VDAC2: variants seen among roughly 807,000 people sequenced by gnomAD.
VDAC2 encodes voltage dependent anion channel 2.
A neutral mutation model predicts 36.6 loss-of-function variants in VDAC2; 6 were observed. The observed-to-expected ratio is 0.16, with a 90% confidence interval of 0.09 to 0.32. The LOEUF is 0.32. Ranked by LOEUF, VDAC2 falls within the 10% of genes least tolerant of loss-of-function variation. VDAC2 has a pLI of 1.00. For missense variants in VDAC2, 247 were observed against 346.0 expected, an observed-to-expected ratio of 0.71 and a Z score of 2.27; for synonymous variants, 109 against 123.8, an observed-to-expected ratio of 0.88 and a Z score of 0.79.
intron 9 of VDAC2, 112 bp from the exon 10 acceptor site, chr10:75,230,786 G>A (rs1384909063): frequency 1.2e-6 from 1 of 869,262 alleles, no homozygotes; most frequent in Non-Finnish European, 1.7e-6. Context: ...TCAGCTGACA[G>A]GCTGAGGAAG....
At chr10:75,214,159 T>A (rs2132254713) in intron 4 of VDAC2, 89 bp downstream of exon 4, 2 of 1,395,182 alleles carry the variant, frequency 1.4e-6, no homozygotes, top group Non-Finnish European at 2.0e-6. Flanking sequence ...CTACCTGTTT[T>A]GTCTTAAAGA....
intron 8 of VDAC2, among the ~76,000 whole-genome samples, chr10:75,222,778 C>T (rs899123950): frequency 3.9e-5 from 6 of 152,088 alleles, no homozygotes; most frequent in South Asian, 2.1e-4. Flanking sequence ...TCACGACTCC[C>T]GGCACCTTGA....
intron 4 of VDAC2, chr10:75,217,813 T>C (rs1590002558): frequency 1.1e-6 from 1 of 874,294 alleles, no homozygotes; most frequent in Middle Eastern, 2.7e-4. Flanking sequence ...GTTATACAAA[T>C]GTTCTATTTT....
chr10:75,220,531 T>C (rs1213636757), intron 6 of VDAC2, among the ~76,000 whole-genome samples: 1 of 152,082 alleles, frequency 6.6e-6, no homozygotes, highest in East Asian at 1.9e-4. Flanking sequence ...ACTGATTGTT[T>C]GTTCTGCAAA....
intron 9 of VDAC2, among the ~76,000 whole-genome samples, chr10:75,230,197 A>G (rs1223654062): frequency 1.3e-5 from 2 of 152,160 alleles, no homozygotes; most frequent in Admixed American, 6.5e-5. Flanking sequence ...AAAGTACTGG[A>G]GACTTCCCCC....
At position 75,217,373 on chromosome 10, in the gene VDAC2, G is replaced by C. The variant is rs960440936; in HGVS notation, c.151-1690G>C. On this transcript the variant is annotated intron_variant, in intron 4 of 9. Transcript: ENST00000332211. Reference sequence around the variant, plus strand: ...ATCTAGTGTTTCCTAACATGATCCAGTGCTTTTTTGTTTAATTGGAAATGG... The same window carrying C: ...ATCTAGTGTTTCCTAACATGATCCACTGCTTTTTTGTTTAATTGGAAATGG... Among the ~76,000 whole-genome samples the C allele has an allele frequency of 2.6e-5, 4 of 152,288 alleles. No individual in the cohort carries two copies. In the East Asian group the frequency reaches 7.7e-4, roughly 29 times the overall value.
chr10:75,229,711 C>A lies in VDAC2; in HGVS notation c.793+10C>A. The A allele has an allele frequency of 6.3e-7, 1 of 1,589,188 alleles. No homozygotes were observed. Among genetic ancestry groups the A allele is most frequent in the Non-Finnish European group, 8.5e-7 (1 of 1,170,968 alleles). The stretch of plus-strand genomic sequence containing the variant: ...CAGACTCTGAGGCCTGGTAAGTATT[C>A]TTGATAAAGTAGGATTGTTTTGATA... On this transcript the variant is annotated intron_variant, in intron 9 of 9. Transcript: ENST00000332211.
At chr10:75,230,837 G>T in intron 9 of VDAC2, 61 bp from the exon 10 acceptor site, 1 of 1,458,708 alleles carries the variant, frequency 6.9e-7, no homozygotes, top group African/African-American at 1.4e-5. Flanking sequence ...AGAAGGCCCA[G>T]ACTGAGTGAC....
In VDAC2 at chr10:75,219,201, G is replaced by A. The variant is rs764327331; in HGVS notation, c.289G>A (p.Ala97Thr). The A allele has an allele frequency of 1.3e-5, 20 of 1,599,380 alleles. No individual in the cohort carries two copies. Among genetic ancestry groups the A allele is most frequent in the African/African-American group, 2.7e-5 (2 of 74,666 alleles). The change falls in exon 5 of 10, where the codon GCA becomes ACA. Residue 97 changes from alanine (A) to threonine (T), a missense_variant. By Grantham distance (58) the Ala-to-Thr change is moderately conservative. This residue lies in a region of VDAC2 where 159 missense variants were observed against 234.0 expected (regional missense o/e 0.68). Transcript: ENST00000332211. ...TGATAACACTCTGGGAACAGAAATCGCAATTGAAGACCAGGTAACATTTTG... is the reference window on the plus strand; with the variant it reads ...TGATAACACTCTGGGAACAGAAATCACAATTGAAGACCAGGTAACATTTTG... ...NTDNTLGTEI[A>T]IEDQICQGLK...
chr10:75,211,342 G>C, intron 2 of VDAC2, 153 bp downstream of exon 2: 2 of 1,391,484 alleles, frequency 1.4e-6, no homozygotes, highest in South Asian at 1.4e-5. Flanking sequence ...CCTCTGCGGA[G>C]GAGGGGCTGG....
At chr10:75,227,135 T>C (rs779964572) in intron 8 of VDAC2, among the ~76,000 whole-genome samples, 5 of 152,202 alleles carry the variant, frequency 3.3e-5, no homozygotes, top group Non-Finnish European at 5.9e-5. Context: ...GGAAAAGATA[T>C]ATAAGTATCT....
At chr10:75,230,148 C>T (rs1053311157) in intron 9 of VDAC2, among the ~76,000 whole-genome samples, 2 of 152,110 alleles carry the variant, frequency 1.3e-5, no homozygotes, top group African/African-American at 4.8e-5. Flanking sequence ...AGCGCTTCTC[C>T]AACTTCAGAG....
chr10:75,211,740 C>T, intron 2 of VDAC2: 1 of 1,498,662 alleles, frequency 6.7e-7, no homozygotes. Flanking sequence ...TTCCAAGTTT[C>T]AATATTTAAA....
Position 75,229,836 on chromosome 10 carries a change from T to C in VDAC2, c.793+135T>C, listed in dbSNP as rs187197190. 19 of 588,064 alleles carry C rather than the reference T, an allele frequency of 3.2e-5. No individual in the cohort carries two copies. In the Admixed American group the frequency reaches 7.3e-4, roughly 23 times the overall value. 36.4% of individuals were successfully genotyped at this position (588,064 alleles called of 1,614,324 possible). The stretch of plus-strand genomic sequence containing the variant: ...AGTACAATAAATACGTGTTTACCTT[T>C]TACCACAATTTTTTATTTCTTTTTC... On this transcript the variant is annotated intron_variant, in intron 9 of 9. Coordinates refer to ENST00000332211, the MANE Select transcript of VDAC2 (RefSeq NM_001391963.1).
At chr10:75,211,234 G>C in intron 2 of VDAC2, 45 bp downstream of exon 2, 1 of 1,603,424 alleles carries the variant, frequency 6.2e-7, no homozygotes, top group Non-Finnish European at 8.5e-7. Context: ...GCGGAGAGTC[G>C]AAGCCTGTCG....
At position 75,221,425 on chromosome 10, in the gene VDAC2, C is replaced by T. The variant is rs546992003; in HGVS notation, c.584+455C>T. Among the ~76,000 whole-genome samples, 18 of 152,126 alleles carry T rather than the reference C, an allele frequency of 1.2e-4. No homozygotes were observed. The East Asian group carries it at 3.5e-3, about 29-fold the overall frequency. ...TCGGCTCACTCCAACATCCGCCTCC[C>T]GGGTTCAAACAATTCTCCTGCCTCA... On this transcript the variant is annotated intron_variant, in intron 7 of 9. Coordinates refer to ENST00000332211, the MANE Select transcript of VDAC2 (RefSeq NM_001391963.1).
intron 3 of VDAC2, among the ~76,000 whole-genome samples, 170 bp downstream of exon 3, chr10:75,212,468 G>C (rs932098815): frequency 6.6e-6 from 1 of 152,076 alleles, no homozygotes; most frequent in African/African-American, 2.4e-5. Flanking sequence ...GCTGGATGCA[G>C]TGGCATGATT....
At chr10:75,220,605 A>G (rs1841783397) in intron 6 of VDAC2, 138 bp from the exon 7 acceptor site, 2 of 689,704 alleles carry the variant, frequency 2.9e-6, no homozygotes, top group South Asian at 2.0e-5. Context: ...CATTGAGCTG[A>G]CTTTTTTACT....
chr10:75,220,698 T>C (rs1841786425), intron 6 of VDAC2, 45 bp from the exon 7 acceptor site: 3 of 1,522,864 alleles, frequency 2.0e-6, no homozygotes, highest in African/African-American at 1.4e-5. Context: ...TGTGCAGAAG[T>C]GTGTGTAAAT....
Sources: allele counts gnomAD v4.1 joint callset (sites outside exome capture counted in the v4.1 genomes callset), GRCh38; gene constraint gnomAD v4.1.1; regional missense constraint gnomAD v4.1.1; transcripts MANE v1.5; gene names NCBI Gene and HGNC (gene_info 2026-07-23, HGNC 2026-07-21).